Variants in CFAP52 observed in about 807,000 individuals in gnomAD.
CFAP52 encodes the protein cilia- and flagella-associated protein 52.
Under a neutral mutation model 70.5 loss-of-function variants are expected in CFAP52, and 57 were observed. The ratio of observed to expected loss-of-function variants is 0.81; its 90% CI spans 0.65 to 1.01. The LOEUF is 1.01. Ranked by LOEUF, CFAP52 falls within the 50% of genes least tolerant of loss-of-function variation. CFAP52 has a pLI of 0.00. For synonymous variants in CFAP52, 267 were observed against 292.5 expected (o/e 0.91, Z 0.89); for missense variants, 785 against 788.5 (o/e 1.00, Z 0.05).
intron 1 of CFAP52, among the ~76,000 whole-genome samples, chr17:9,582,850 T>C (rs1162713270): frequency 6.6e-6 from 1 of 152,218 alleles, no homozygotes; most frequent in Non-Finnish European, 1.5e-5. Context: ...TTGGCTAGGC[T>C]GGTCTCAAAC....
chr17:9,630,426 A>ATTTTTTTTTTTTT (rs560084144), intron 9 of CFAP52, among the ~76,000 whole-genome samples: 5 of 127,830 alleles, frequency 3.9e-5, no homozygotes, highest in African/African-American at 1.5e-4. Context: ...AATTTTTGTA[A>ATTTTTTTTTTTTT]TTTTTTTTTT....
In CFAP52 at chr17:9,631,052, G is replaced by GAA. The variant is rs1555544296; in HGVS notation, c.1175-1835_1175-1834insAA. Among the ~76,000 whole-genome samples, 159 of 37,926 alleles carry GAA rather than the reference G, an allele frequency of 4.2e-3. 1 individual carries two copies. Among genetic ancestry groups the GAA allele is most frequent in the Admixed American group, 0.016 (46 of 2,928 alleles). The allele number at this position is 37,926 out of a possible 152,430, so 24.9% of individuals were successfully genotyped here. On this transcript the variant is annotated intron_variant, in intron 9 of 13. Coordinates refer to ENST00000352665, the MANE Select transcript of CFAP52 (RefSeq NM_145054.5). ...AAAGAGAGAGAGAGAGAGAGAGAGA[G>GAA]AGAAAGAAAGAAAGAAAGAAAGAAA...
intron 9 of CFAP52, among the ~76,000 whole-genome samples, chr17:9,629,611 G>A (rs1273793965): frequency 4.1e-5 from 6 of 146,734 alleles, no homozygotes; most frequent in Admixed American, 2.1e-4. Context: ...GCAATGGCGC[G>A]ATCTAGGCTC....
At chr17:9,631,079 A>AAAGAAAGAAAGAAAGAAAGG (rs1567635032) in intron 9 of CFAP52, among the ~76,000 whole-genome samples, 1 of 133,612 alleles carries the variant, frequency 7.5e-6, no homozygotes, top group African/African-American at 3.0e-5. Flanking sequence ...AGAAAGAAAG[A>AAAGAAAGAAAGAAAGAAAGG]AAGAGAAAGA....
At chr17:9,633,894 G>C (rs1260549811) in intron 10 of CFAP52, among the ~76,000 whole-genome samples, 3 of 151,622 alleles carry the variant, frequency 2.0e-5, no homozygotes, top group East Asian at 3.9e-4. Context: ...TGTTAGCCAG[G>C]ATGGTCTCGA....
chr17:9,628,841 T>A (rs772186858), intron 9 of CFAP52, 21 bp downstream of exon 9: 59 of 1,613,772 alleles, frequency 3.7e-5, no homozygotes, highest in Non-Finnish European at 5.0e-5. Flanking sequence ...CATGTCAAGA[T>A]CTGGCTTGGG....
intron 5 of CFAP52, among the ~76,000 whole-genome samples, chr17:9,599,337 T>C (rs1008490336): frequency 6.6e-6 from 1 of 152,244 alleles, no homozygotes; most frequent in Non-Finnish European, 1.5e-5. Context: ...CTCCATGGAC[T>C]GATTCCTCTT....
At chr17:9,639,274 A>C (rs903878689) in intron 12 of CFAP52, 1 of 152,414 alleles carries the variant, frequency 6.6e-6, no homozygotes, top group African/African-American at 2.4e-5. Flanking sequence ...TACAAAAAAT[A>C]CAAAAAATTA....
chr17:9,633,077 C>T, intron 10 of CFAP52, 44 bp downstream of exon 10: 1 of 1,593,960 alleles, frequency 6.3e-7, no homozygotes, highest in Non-Finnish European at 8.5e-7. Context: ...CTGTTTAGAA[C>T]AACTGCCCTA....
At chr17:9,590,976 A>G (rs2151930896) in intron 3 of CFAP52, among the ~76,000 whole-genome samples, 1 of 151,542 alleles carries the variant, frequency 6.6e-6, no homozygotes, top group South Asian at 2.1e-4. Context: ...ACAGAGGAAA[A>G]GAAACAAAAG....
At chr17:9,612,517 T>C in intron 8 of CFAP52, 38 bp downstream of exon 8, 2 of 1,599,940 alleles carry the variant, frequency 1.3e-6, no homozygotes, top group Non-Finnish European at 1.7e-6. Flanking sequence ...GGAGATTTGA[T>C]GCAGTGTGCC....
At chr17:9,609,229 CATAAAAG>C (rs1909626012) in intron 7 of CFAP52, among the ~76,000 whole-genome samples, 1 of 105,530 alleles carries the variant, frequency 9.5e-6, no homozygotes, top group Admixed American at 1.1e-4. Context: ...GTGAATAAAA[CATAAAAG>C]ATGAAAAAAA....
chr17:9,599,998 C>T, intron 5 of CFAP52, 69 bp from the exon 6 acceptor site: 1 of 1,380,012 alleles, frequency 7.2e-7, no homozygotes, highest in Non-Finnish European at 1.0e-6. Context: ...GCCTCGGCCT[C>T]CCAAAGTGCT....
intron 7 of CFAP52, 129 bp from the exon 8 acceptor site, chr17:9,612,180 A>G: frequency 8.2e-7 from 1 of 1,223,276 alleles, no homozygotes; most frequent in East Asian, 2.4e-5. Context: ...TGCCTTTTCA[A>G]CTGTGTCACT....
intron 7 of CFAP52, among the ~76,000 whole-genome samples, 186 bp downstream of exon 7, chr17:9,608,405 A>G (rs1016095963): frequency 2.0e-5 from 3 of 152,240 alleles, no homozygotes; most frequent in African/African-American, 7.2e-5. Flanking sequence ...ACAAAAGCTT[A>G]TGTTGAATCA....
intron 3 of CFAP52, 132 bp from the exon 4 acceptor site, chr17:9,594,061 G>A: frequency 3.1e-6 from 4 of 1,310,250 alleles, no homozygotes; most frequent in Non-Finnish European, 4.1e-6. Flanking sequence ...CAGGGGTGGG[G>A]TAATTTTGTT....
intron 4 of CFAP52, among the ~76,000 whole-genome samples, chr17:9,594,999 T>C (rs1410289224): frequency 6.6e-6 from 1 of 150,754 alleles, no homozygotes; most frequent in Non-Finnish European, 1.5e-5. Context: ...CAAGCAATTC[T>C]CCTGCCTCAG....
At chr17:9,645,552 T>G, downstream of CFAP52, 2 of 1,135,924 alleles carry the variant, frequency 1.8e-6, no homozygotes, top group Non-Finnish European at 2.2e-6. The surrounding 1 kb of genome is among the most constrained non-coding windows in gnomAD (Gnocchi z 6.8). Context: ...CCAGGAGCCT[T>G]AGAGAAGCTG....
Position 9,586,850 on chromosome 17 carries a change from T to G in CFAP52, c.407+16T>G, listed in dbSNP as rs368369204. The G allele has an allele frequency of 3.8e-6, 6 of 1,571,972 alleles. No individual in the cohort carries two copies. Among genetic ancestry groups the G allele is most frequent in the Non-Finnish European group, 5.1e-6 (6 of 1,165,360 alleles). ...ATGACGGAAGGTAATGAACTAAACATAGTTACTTATTTTCTTTATTTTTTT... is the reference window on the plus strand; with the variant it reads ...ATGACGGAAGGTAATGAACTAAACAGAGTTACTTATTTTCTTTATTTTTTT... On this transcript the variant is annotated intron_variant, in intron 3 of 13. Transcript: ENST00000352665.
Sources: gnomAD v4.1 joint callset for allele counts (sites outside exome capture counted in the v4.1 genomes callset) on GRCh38, gnomAD v4.1.1 for gene constraint, Gnocchi (gnomAD v3.1) non-coding constraint, MANE v1.5 for transcripts, NCBI Gene and HGNC (gene_info 2026-07-23, HGNC 2026-07-21) for gene names.